LCN15: variants seen among roughly 807,000 people sequenced by gnomAD.
LCN15 encodes lipocalin 15.
Under a neutral mutation model 23.1 loss-of-function variants are expected in LCN15, and 26 were observed. The observed-to-expected ratio is 1.13, with a 90% CI of 0.82 to 1.56. The LOEUF is 1.56. LCN15 is among the 40% of genes most tolerant of loss of function. The probability of loss-of-function intolerance (pLI) is 0.00; values close to 1 mark genes in which losing one functional copy is unlikely to be tolerated. For missense variants in LCN15, 241 were observed against 239.5 expected (o/e 1.01, Z -0.04); for synonymous variants, 107 against 98.3 (o/e 1.09, Z -0.52).
intron 6 of LCN15, among the ~76,000 whole-genome samples, 172 bp from the exon 7 acceptor site, chr9:136,759,955 GCC>G (rs1847296178): frequency 5.6e-5 from 1 of 17,828 alleles, no homozygotes; most frequent in Non-Finnish European, 2.7e-4. Flanking sequence ...TACCACTGCT[GCC>G]CCAGGCGAGA....
chr9:136,763,145 G>T (rs1847338501), intron 4 of LCN15, among the ~76,000 whole-genome samples: 1 of 151,506 alleles, frequency 6.6e-6, no homozygotes, highest in Non-Finnish European at 1.5e-5. Context: ...CACAGCAGGA[G>T]AGGGCATGGG....
intron 6 of LCN15, among the ~76,000 whole-genome samples, chr9:136,760,375 C>CG (rs78812299): frequency 0.12 from 17,824 of 152,144 alleles, 1,183 homozygotes; most frequent in Admixed American, 0.17. Context: ...CCAGGCAGGA[C>CG]GGCGAGTCTC....
chr9:136,762,576 C>T (rs1321084172), intron 4 of LCN15, among the ~76,000 whole-genome samples: 1 of 152,088 alleles, frequency 6.6e-6, no homozygotes, highest in Non-Finnish European at 1.5e-5. Context: ...CTCACTCTGT[C>T]GGCTCCAATC....
chr9:136,760,610 C>T (rs533054626), intron 6 of LCN15, among the ~76,000 whole-genome samples: 6 of 152,324 alleles, frequency 3.9e-5, no homozygotes, highest in Non-Finnish European at 7.4e-5. Flanking sequence ...TGAGCCCCGG[C>T]GAGGGACCCA....
chr9:136,761,206 C>T lies in LCN15; in HGVS notation c.*32+581G>A, dbSNP rs556173996. 3.3e-5 allele frequency among the ~76,000 whole-genome samples: 5 copies of T among 152,268 alleles called. No individual in the cohort carries two copies. The highest frequency in any genetic ancestry group is 9.6e-5 in the African/African-American group (4 of 41,554). On this transcript the variant is annotated intron_variant, in intron 6 of 6. Transcript: ENST00000316144. This position sits in a 1 kb window ranked among gnomAD's most constrained non-coding sequence, Gnocchi z 4.2. ...CTTCCAGAGGAACCAGCCCTGTGGA[C>T]ATCTTGATTTTGGACTTCTGGCCTC... is the stretch of plus-strand genomic sequence containing the variant.
intron 3 of LCN15, 63 bp from the exon 4 acceptor site, chr9:136,763,530 C>A: frequency 7.8e-7 from 1 of 1,289,538 alleles, no homozygotes; most frequent in Non-Finnish European, 1.1e-6. Flanking sequence ...ACCGACCCCA[C>A]CCATGCCTGC....
chr9:136,764,169 G>T, intron 1 of LCN15, 160 bp from the exon 2 acceptor site: 1 of 893,350 alleles, frequency 1.1e-6, no homozygotes. Flanking sequence ...CTCATCTTGG[G>T]TAGGTCACAG....
intron 4 of LCN15, among the ~76,000 whole-genome samples, chr9:136,763,032 C>CG (rs1011337163): frequency 4.0e-5 from 6 of 150,968 alleles, no homozygotes; most frequent in African/African-American, 1.5e-4. Flanking sequence ...GAGCATGCAC[C>CG]GCGGGACCCT....
intron 4 of LCN15, 88 bp from the exon 5 acceptor site, chr9:136,762,377 T>G (rs1338917910): frequency 2.3e-5 from 18 of 775,984 alleles, no homozygotes; most frequent in Non-Finnish European, 3.9e-5. Context: ...GCCTGAGGGC[T>G]GACAGCAAGG....
chr9:136,763,152 T>G (rs574649044), intron 4 of LCN15, among the ~76,000 whole-genome samples: 1 of 146,430 alleles, frequency 6.8e-6, no homozygotes, highest in Non-Finnish European at 1.5e-5. Flanking sequence ...GGAGAGGGCA[T>G]GGGGCAGCAC....
intron 4 of LCN15, among the ~76,000 whole-genome samples, chr9:136,762,726 C>G (rs1726869402): frequency 6.6e-6 from 1 of 152,068 alleles, no homozygotes; most frequent in South Asian, 2.1e-4. Flanking sequence ...ACGGTGAAAC[C>G]CCGTCTCTAC....
intron 6 of LCN15, among the ~76,000 whole-genome samples, chr9:136,760,446 C>T (rs10123493): frequency 0.019 from 2,864 of 152,252 alleles, 83 homozygotes; most frequent in African/African-American, 0.061. Flanking sequence ...ATGCAGGAAA[C>T]GCAACAGCAG....
Position 136,763,437 on chromosome 9 carries a change from T to C in LCN15, c.338A>G (p.Asp113Gly). 2 of 1,609,436 alleles carry C rather than the reference T, an allele frequency of 1.2e-6. No individual in the cohort carries two copies. Among genetic ancestry groups the C allele is most frequent in the South Asian group, 1.1e-5 (1 of 90,788 alleles). Residue 113 changes from aspartate (D) to glycine (G), a missense_variant, in exon 4 of 7, where the codon GAC (aspartate) becomes GGC (glycine). Coordinates refer to ENST00000316144, the MANE Select transcript of LCN15 (RefSeq NM_203347.2). ...GACGGCGAAGGAGCTGTAGTCTGTG[T>C]CCACGATGCGCACGTCCAGGTAGCC... ...ALGYLDVRIV[D>G]TDYSSFAVLY...
intron 4 of LCN15, among the ~76,000 whole-genome samples, chr9:136,762,980 A>G (rs1403947832): frequency 2.7e-5 from 4 of 150,026 alleles, no homozygotes; most frequent in South Asian, 2.1e-4. Flanking sequence ...CAGCGAGGCC[A>G]GGCAGGGAAG....
In LCN15 at chr9:136,761,148, G is replaced by C. The variant is rs1847312741; in HGVS notation, c.*32+639C>G. 2.0e-5 allele frequency among the ~76,000 whole-genome samples: 3 copies of C among 152,170 alleles called. No homozygotes were observed. Among genetic ancestry groups the C allele is most frequent in the African/African-American group, 4.8e-5 (2 of 41,430 alleles). On this transcript the variant is annotated intron_variant, in intron 6 of 6. Coordinates refer to ENST00000316144, the MANE Select transcript of LCN15 (RefSeq NM_203347.2). This position sits in a 1 kb window ranked among gnomAD's most constrained non-coding sequence, Gnocchi z 4.2. ...GGACAAGCGGCAGCCGTGGGAGCTG[G>C]GGGGGCGGTGTGGGAGGGAGTCTCC... is the stretch of plus-strand genomic sequence containing the variant.
rs1448486940 is a variant in LCN15, at chr9:136,764,024, G to A, written c.97-15C>T. ...AGGCCTGAGAACTGCCGGGGGCTTA[G>A]TCACCCGCAGGCCAGGACAGCCAGC... On this transcript the variant is annotated splice_polypyrimidine_tract_variant and intron_variant, in intron 1 of 6. Transcript: ENST00000316144. 6.2e-7 allele frequency: 1 copy of A among 1,611,124 alleles called. No individual in the cohort carries two copies. Among genetic ancestry groups the A allele is most frequent in the Non-Finnish European group, 8.5e-7 (1 of 1,179,024 alleles).
At position 136,761,400 on chromosome 9, in the gene LCN15, A is replaced by G. The variant is rs1216939739; in HGVS notation, c.*32+387T>C. Among the ~76,000 whole-genome samples the G allele has an allele frequency of 6.6e-6, 1 of 152,198 alleles. No individual in the cohort carries two copies. Among genetic ancestry groups the G allele is most frequent in the Non-Finnish European group, 1.5e-5 (1 of 68,020 alleles). On this transcript the variant is annotated intron_variant, in intron 6 of 6. Coordinates refer to ENST00000316144, the MANE Select transcript of LCN15 (RefSeq NM_203347.2). The surrounding 1 kb of genome is among the most constrained non-coding windows in gnomAD (Gnocchi z 4.2). ...CTCAGCCTCACAAGTAGCTGAGATT[A>G]CAGGTGTGCACCACCACGCCCAGCT...
At chr9:136,763,646 T>G in intron 3 of LCN15, 67 bp downstream of exon 3, 1 of 1,559,646 alleles carries the variant, frequency 6.4e-7, no homozygotes, top group South Asian at 1.1e-5. Context: ...GGGTGGAAAG[T>G]CAGCCCCACG....
chr9:136,763,841 G>C (rs200547476), intron 2 of LCN15, 29 bp downstream of exon 2: 1 of 1,613,122 alleles, frequency 6.2e-7, no homozygotes, highest in East Asian at 2.2e-5. Context: ...CCCCAGCCCA[G>C]CCCAGGCAGC....
Sources: allele counts gnomAD v4.1 joint callset (sites outside exome capture counted in the v4.1 genomes callset), GRCh38; gene constraint gnomAD v4.1.1; non-coding constraint Gnocchi (gnomAD v3.1); transcripts MANE v1.5; gene names NCBI Gene and HGNC (gene_info 2026-07-23, HGNC 2026-07-21).